The following TSPAN19 variants were observed in gnomAD, a reference collection of about 807,000 sequenced individuals.
TSPAN19 encodes tetraspanin-19.
Under a neutral mutation model 35.1 loss-of-function variants are expected in TSPAN19, and 44 were observed. That is an observed-to-expected ratio of 1.25 (90% CI 0.98 to 1.61). The LOEUF is 1.61. TSPAN19 is among the 40% of genes most tolerant of loss of function. The pLI, the probability that TSPAN19 is intolerant of heterozygous loss-of-function variation, is 0.00. For synonymous variants in TSPAN19, 79 were observed against 92.0 expected (o/e 0.86, Z 0.81); for missense variants, 290 against 280.0 (o/e 1.04, Z -0.26).
At chr12:85,023,424 T>G (rs1231335912) in intron 4 of TSPAN19, 24 bp from the exon 5 acceptor site, 2 of 1,515,592 alleles carry the variant, frequency 1.3e-6, no homozygotes, top group East Asian at 2.4e-5. Context: ...AAAATAGAGA[T>G]GATGACTATG....
At chr12:85,018,660 T>C (rs907738225) in intron 6 of TSPAN19, among the ~76,000 whole-genome samples, 4 of 152,010 alleles carry the variant, frequency 2.6e-5, no homozygotes, top group African/African-American at 9.7e-5. Flanking sequence ...TCCGTTATCA[T>C]ATGTACTATA....
Position 85,014,509 on chromosome 12 carries a change from T to C in TSPAN19, c.725A>G (p.Asn242Ser), listed in dbSNP as rs948483623. ...LTVCFFKNIK[N>S]IIHAEM is the part of the protein sequence containing the mutation. ...AGGTCACATTTCTGCATGGATTATATTCTTGATGTTTTTGAAGAAACAAAC... is the reference window on the plus strand; with the variant it reads ...AGGTCACATTTCTGCATGGATTATACTCTTGATGTTTTTGAAGAAACAAAC... Residue 242 changes from asparagine to serine, a missense_variant, in exon 9 of 9, where the codon AAT (asparagine) becomes AGT (serine). Coordinates refer to ENST00000532498, the MANE Select transcript of TSPAN19 (RefSeq NM_001100917.2). 11 of 1,604,846 alleles carry C rather than the reference T, an allele frequency of 6.9e-6. No homozygotes were observed. The highest frequency in any genetic ancestry group is 9.4e-6 in the Non-Finnish European group (11 of 1,174,930).
intron 5 of TSPAN19, among the ~76,000 whole-genome samples, chr12:85,022,638 T>C (rs1478959071): frequency 3.3e-5 from 5 of 152,082 alleles, no homozygotes; most frequent in Admixed American, 1.3e-4. Context: ...TCCCTAACCA[T>C]ATTCATATCT....
intron 8 of TSPAN19, 61 bp downstream of exon 8, chr12:85,015,826 CA>C: frequency 1.7e-6 from 2 of 1,199,600 alleles, no homozygotes; most frequent in Non-Finnish European, 1.2e-6. Context: ...GATTGCTCTG[CA>C]GTCTATTCTG....
chr12:85,016,785 G>A (rs1161991126), intron 7 of TSPAN19: 2 of 151,340 alleles, frequency 1.3e-5, no homozygotes, highest in African/African-American at 4.9e-5. Context: ...GGCAACTACT[G>A]TATATATCAC....
intron 6 of TSPAN19, among the ~76,000 whole-genome samples, chr12:85,018,017 T>A (rs1876910963): frequency 6.6e-6 from 1 of 151,890 alleles, no homozygotes; most frequent in Non-Finnish European, 1.5e-5. Flanking sequence ...TAAAAAGAGA[T>A]GCAGGGTAAT....
intron 1 of TSPAN19, among the ~76,000 whole-genome samples, chr12:85,031,259 C>T (rs1402462384): frequency 2.0e-5 from 3 of 152,068 alleles, no homozygotes; most frequent in Admixed American, 6.6e-5. Flanking sequence ...TCCTCTAATG[C>T]CTGGCATGTT....
intron 4 of TSPAN19, 94 bp from the exon 5 acceptor site, chr12:85,023,494 C>A: frequency 3.9e-6 from 4 of 1,022,310 alleles, no homozygotes; most frequent in Non-Finnish European, 5.8e-6. Flanking sequence ...TGGAAATATG[C>A]AACCATAAAG....
chr12:85,035,917 T>C (rs1877983790), intron 1 of TSPAN19, among the ~76,000 whole-genome samples: 1 of 152,092 alleles, frequency 6.6e-6, no homozygotes, highest in South Asian at 2.1e-4. Context: ...TTTTTTTCTT[T>C]TTTCCTTTTT....
chr12:85,017,210 A>T, intron 7 of TSPAN19: 1 of 381,162 alleles, frequency 2.6e-6, no homozygotes. Flanking sequence ...GACTGATGAT[A>T]TCCCAAGTTC....
intron 6 of TSPAN19, among the ~76,000 whole-genome samples, chr12:85,018,408 C>T (rs1184095110): frequency 6.6e-6 from 1 of 151,708 alleles, no homozygotes; most frequent in Non-Finnish European, 1.5e-5. Flanking sequence ...ACAAACAAAC[C>T]TACATATATT....
At chr12:85,019,381 G>A (rs1488114426) in intron 6 of TSPAN19, among the ~76,000 whole-genome samples, 1 of 151,894 alleles carries the variant, frequency 6.6e-6, no homozygotes, top group Non-Finnish European at 1.5e-5. Flanking sequence ...AAGACCAGCA[G>A]CACTTTTCCA....
chr12:85,022,676 A>G (rs949989956), intron 5 of TSPAN19, among the ~76,000 whole-genome samples: 2 of 152,122 alleles, frequency 1.3e-5, no homozygotes, highest in African/African-American at 4.8e-5. Flanking sequence ...TGTTCATTTT[A>G]CTATAGGACA....
At chr12:85,028,726 C>T (rs1943595312) in intron 3 of TSPAN19, among the ~76,000 whole-genome samples, 1 of 152,060 alleles carries the variant, frequency 6.6e-6, no homozygotes, top group South Asian at 2.1e-4. Flanking sequence ...AATCTGCAAA[C>T]CAACTGAATT....
Position 85,029,971 on chromosome 12 carries a change from A to G in TSPAN19, c.-25T>C, listed in dbSNP as rs1877609586. ...TTCTTTTTCTTCCAAGATATTGATGATTCTGAAAAGACAACCATAACTTTT... is the reference window on the plus strand; with the variant it reads ...TTCTTTTTCTTCCAAGATATTGATGGTTCTGAAAAGACAACCATAACTTTT... On this transcript the variant is annotated splice_region_variant and 5_prime_UTR_variant, in exon 2 of 9. Transcript: ENST00000532498. The G allele has an allele frequency of 7.1e-7, 1 of 1,403,432 alleles. No individual in the cohort carries two copies. Among genetic ancestry groups the G allele is most frequent in the East Asian group, 2.5e-5 (1 of 39,598 alleles). 86.9% of individuals were successfully genotyped at this position (1,403,432 alleles called of 1,614,324 possible).
chr12:85,031,967 GA>G (rs1271293077), intron 1 of TSPAN19, among the ~76,000 whole-genome samples: 1 of 152,072 alleles, frequency 6.6e-6, no homozygotes, highest in African/African-American at 2.4e-5. Context: ...AGAAAAAAAA[GA>G]GAGCTTGGAT....
chr12:85,034,041 T>G (rs1216737592), intron 1 of TSPAN19, among the ~76,000 whole-genome samples: 1 of 152,040 alleles, frequency 6.6e-6, no homozygotes, highest in Non-Finnish European at 1.5e-5. Flanking sequence ...CATTTTTCTG[T>G]GAAGTGGTTG....
chr12:85,019,067 C>G (rs1343053785), intron 6 of TSPAN19, among the ~76,000 whole-genome samples: 1 of 151,838 alleles, frequency 6.6e-6, no homozygotes, highest in African/African-American at 2.4e-5. Flanking sequence ...TAAAAATTAG[C>G]TAAAAAGTGT....
At chr12:85,022,332 G>T (rs985634577) in intron 5 of TSPAN19, among the ~76,000 whole-genome samples, 2 of 152,080 alleles carry the variant, frequency 1.3e-5, no homozygotes, top group Non-Finnish European at 2.9e-5. Flanking sequence ...AGTAAAGAAT[G>T]AAGTTGGAGG....
Sources: allele counts gnomAD v4.1 joint callset (sites outside exome capture counted in the v4.1 genomes callset), GRCh38; gene constraint gnomAD v4.1.1; transcripts MANE v1.5; gene names NCBI Gene and HGNC (gene_info 2026-07-23, HGNC 2026-07-21).